The following GOLGB1 variants were observed in gnomAD, a reference collection of about 807,000 sequenced individuals.
GOLGB1 encodes golgin subfamily B member 1.
In GOLGB1, 174 loss-of-function variants were observed where a neutral mutation model predicts 336.9. That is an observed-to-expected ratio of 0.52 (90% CI 0.46 to 0.59). The LOEUF is 0.59. GOLGB1 is among the 20% of genes least tolerant of loss of function. The pLI is 0.00. For missense variants in GOLGB1, 3,331 were observed against 3,645.3 expected, an observed-to-expected ratio of 0.91 and a Z score of 2.22; for synonymous variants, 1,208 against 1,289.2, an observed-to-expected ratio of 0.94 and a Z score of 1.35.
At position 121,676,890 on chromosome 3, in the gene GOLGB1, T is replaced by C; in HGVS notation, c.9177+3A>G. The C allele has an allele frequency of 6.2e-7, 1 of 1,613,236 alleles. No homozygotes were observed. The highest frequency in any genetic ancestry group is 1.1e-5 in the South Asian group (1 of 91,054). ...GAATTCCAGTCTAACAAGAAACACT[T>C]ACGTTGCTGTTCAGTTGCTGAATTC... On this transcript the variant is annotated splice_donor_region_variant and intron_variant, in intron 17 of 21. Transcript: ENST00000614479.
chr3:121,737,257 T>C (rs1378299532), intron 1 of GOLGB1, among the ~76,000 whole-genome samples: 1 of 152,236 alleles, frequency 6.6e-6, no homozygotes, highest in Non-Finnish European at 1.5e-5. Context: ...TATTAATGCT[T>C]TGATAGGAAA....
intron 1 of GOLGB1, among the ~76,000 whole-genome samples, chr3:121,737,156 A>C (rs369929958): frequency 3.9e-5 from 6 of 152,312 alleles, no homozygotes; most frequent in African/African-American, 1.4e-4. Flanking sequence ...AGGTTATTCC[A>C]AAATCAATTT....
intron 1 of GOLGB1, among the ~76,000 whole-genome samples, chr3:121,738,009 T>G (rs995683702): frequency 6.6e-6 from 1 of 152,212 alleles, no homozygotes; most frequent in Admixed American, 6.5e-5. Flanking sequence ...ATTCAAGATA[T>G]GAGAACCACA....
intron 7 of GOLGB1, 101 bp downstream of exon 7, chr3:121,719,545 T>C (rs1039322344): frequency 1.1e-5 from 9 of 812,732 alleles, no homozygotes; most frequent in Middle Eastern, 2.4e-4. Context: ...AGGAAAACAC[T>C]AACACCAAGT....
intron 4 of GOLGB1, 88 bp from the exon 5 acceptor site, chr3:121,727,129 A>G (rs1945677739): frequency 1.4e-6 from 1 of 709,948 alleles, no homozygotes; most frequent in Non-Finnish European, 2.0e-6. Context: ...ATTTACAACC[A>G]TTTAGTTATA....
chr3:121,707,121 G>A (rs927706767), intron 10 of GOLGB1, among the ~76,000 whole-genome samples: 1 of 151,274 alleles, frequency 6.6e-6, no homozygotes, highest in African/African-American at 2.4e-5. Context: ...CAGCTACTCG[G>A]GAGGCTGAGG....
chr3:121,727,985 G>C (rs944162522), intron 4 of GOLGB1, among the ~76,000 whole-genome samples: 1 of 152,106 alleles, frequency 6.6e-6, no homozygotes, highest in African/African-American at 2.4e-5. Flanking sequence ...TAAGGTCTCA[G>C]AGCTAAAAAT....
intron 18 of GOLGB1, 138 bp downstream of exon 18, chr3:121,669,074 A>C: frequency 2.5e-6 from 2 of 804,730 alleles, no homozygotes; most frequent in South Asian, 3.6e-5. Flanking sequence ...TTCCCATCTC[A>C]ATTAACTCTT....
intron 1 of GOLGB1, among the ~76,000 whole-genome samples, chr3:121,739,740 A>G (rs1946723187): frequency 6.6e-6 from 1 of 152,198 alleles, no homozygotes; most frequent in Admixed American, 6.5e-5. Context: ...AGAAAACTTA[A>G]GTTCACAAGA....
intron 5 of GOLGB1, among the ~76,000 whole-genome samples, chr3:121,723,837 C>T (rs1157707012): frequency 6.6e-6 from 1 of 152,068 alleles, no homozygotes; most frequent in African/African-American, 2.4e-5. Flanking sequence ...AAGCCTCCTT[C>T]CAAATAGAGG....
chr3:121,725,476 A>C (rs1313596334), intron 5 of GOLGB1, among the ~76,000 whole-genome samples: 1 of 152,248 alleles, frequency 6.6e-6, no homozygotes, highest in East Asian at 1.9e-4. Context: ...GAGAATGTGA[A>C]CCCTATGCTT....
chr3:121,745,230 A>C (rs564009211), intron 1 of GOLGB1, among the ~76,000 whole-genome samples: 5 of 152,176 alleles, frequency 3.3e-5, no homozygotes, highest in Admixed American at 2.6e-4. Context: ...AAATTAATAA[A>C]GGGGAAAATA....
intron 9 of GOLGB1, 106 bp downstream of exon 9, chr3:121,716,631 G>A: frequency 1.1e-6 from 1 of 906,772 alleles, no homozygotes; most frequent in Non-Finnish European, 1.7e-6. Flanking sequence ...CCTTCTATTG[G>A]TTCAATTGGT....
chr3:121,692,880 T>C (rs2107798111), intron 13 of GOLGB1, among the ~76,000 whole-genome samples: 1 of 152,322 alleles, frequency 6.6e-6, no homozygotes. Context: ...TTCTCCTATT[T>C]TATTCTACTT....
At position 121,716,748 on chromosome 3, in the gene GOLGB1, T is replaced by C; in HGVS notation, c.1277A>G (p.Gln426Arg). 2 of 1,607,934 alleles carry C rather than the reference T, an allele frequency of 1.2e-6. No homozygotes were observed. The highest frequency in any genetic ancestry group is 1.7e-6 in the Non-Finnish European group (2 of 1,176,848). ...EQAVQSAQTI[Q>R]QLEDQLQQKS... is the part of the protein sequence containing the mutation. ...AATCAGCTACTGACCTTCCAGTTGC[T>C]GAATGGTCTGGGCTGACTGAACTGC... The change falls in exon 9 of 22, where the codon CAG becomes CGG. Residue 426 changes from glutamine (Q) to arginine (R), a missense_variant. Gln to Arg is a conservative substitution (Grantham distance 43). Coordinates refer to ENST00000614479, the MANE Select transcript of GOLGB1 (RefSeq NM_001366282.2).
chr3:121,693,870 C>A lies in GOLGB1; in HGVS notation c.6653G>T (p.Arg2218Met), dbSNP rs1024745101. The A allele has an allele frequency of 1.2e-6, 2 of 1,613,838 alleles. No individual in the cohort carries two copies. Among genetic ancestry groups the A allele is most frequent in the African/African-American group, 2.7e-5 (2 of 74,898 alleles). ...GCTTTGAATCGCATCACTAAACTTC[C>A]TCTCCCATTTCTTAGCTTCATCTAT... is the stretch of plus-strand genomic sequence containing the variant. ...RVIDEAKKWE[R>M]KFSDAIQSKE... is the part of the protein sequence containing the mutation. Residue 2218 changes from arginine to methionine, a missense_variant, in exon 13 of 22, where the codon AGG becomes ATG. Physicochemically the swap from Arg to Met is moderately conservative, Grantham distance 91. Coordinates refer to ENST00000614479, the MANE Select transcript of GOLGB1 (RefSeq NM_001366282.2).
At position 121,664,308 on chromosome 3, in the gene GOLGB1, G is replaced by A. The variant is rs1938279197; in HGVS notation, c.*172C>T. 1 of 636,920 alleles carries A rather than the reference G, an allele frequency of 1.6e-6. No homozygotes were observed. 39.5% of individuals were successfully genotyped at this position (636,920 alleles called of 1,614,324 possible). ...GAAGAAAGCAGACTCGCCAGTCCCT[G>A]CAGCTCCAACCTGTCCTCGTATCCA... On this transcript the variant is annotated 3_prime_UTR_variant, in exon 22 of 22. Coordinates refer to ENST00000614479, the MANE Select transcript of GOLGB1 (RefSeq NM_001366282.2).
In GOLGB1 at chr3:121,739,146, G is replaced by C. The variant is rs114868100; in HGVS notation, c.-2-8173C>G. Among the ~76,000 whole-genome samples the C allele has an allele frequency of 3.6e-3, 549 of 151,996 alleles. 3 individuals carry two copies. The highest frequency in any genetic ancestry group is 0.013 in the African/African-American group (527 of 41,474). On this transcript the variant is annotated intron_variant, in intron 1 of 21. Transcript: ENST00000614479. The stretch of plus-strand genomic sequence containing the variant: ...CAGGCATGGTGGCACATGCATGTAG[G>C]TCCAGCTATTCAGGTGGCTGACGTG...
intron 17 of GOLGB1, among the ~76,000 whole-genome samples, chr3:121,671,869 T>TG (rs1939585077): frequency 1.3e-5 from 2 of 152,026 alleles, no homozygotes; most frequent in South Asian, 2.1e-4. Context: ...TTTTTTTTTT[T>TG]GCTCCCACAC....
Sources: gnomAD v4.1 joint callset for allele counts (sites outside exome capture counted in the v4.1 genomes callset) on GRCh38, gnomAD v4.1.1 for gene constraint, MANE v1.5 for transcripts, NCBI Gene and HGNC (gene_info 2026-07-23, HGNC 2026-07-21) for gene names.